The following FARS2 variants were observed in gnomAD, a reference collection of about 807,000 sequenced individuals.
The protein encoded by FARS2 is phenylalanyl-tRNA synthetase 2, mitochondrial, also known as phenylalanine--tRNA ligase, mitochondrial.
In FARS2, 40 loss-of-function variants were observed where a neutral mutation model predicts 46.4. That is an observed-to-expected ratio of 0.86 (90% confidence interval 0.67 to 1.12). FARS2 has a LOEUF of 1.12. Ranked by LOEUF, FARS2 falls within the 50% of genes most tolerant of loss-of-function variation. The pLI is 0.00. For missense variants in FARS2, 513 were observed against 567.9 expected (o/e 0.90, Z 0.98); for synonymous variants, 234 against 214.9 (o/e 1.09, Z -0.78).
intron 5 of FARS2, among the ~76,000 whole-genome samples, chr6:5,592,639 T>C (rs115130399): frequency 0.027 from 4,183 of 152,248 alleles, 76 homozygotes; most frequent in Non-Finnish European, 0.043. Flanking sequence ...GCTTTAGAGC[T>C]GAGAGGACAT....
At chr6:5,388,871 A>T (rs1021750750) in intron 2 of FARS2, among the ~76,000 whole-genome samples, 1 of 152,080 alleles carries the variant, frequency 6.6e-6, no homozygotes, top group Non-Finnish European at 1.5e-5. Context: ...GCTCTCTGGT[A>T]TCTGCTTCTC....
chr6:5,390,452 C>T (rs955066874), intron 2 of FARS2, among the ~76,000 whole-genome samples: 1 of 152,192 alleles, frequency 6.6e-6, no homozygotes, highest in African/African-American at 2.4e-5. Context: ...AGGGACTGCT[C>T]AAGTTCTACT....
Position 5,563,093 on chromosome 6 carries a change from G to A in FARS2, c.1065+17753G>A, listed in dbSNP as rs961565079. On this transcript the variant is annotated intron_variant, in intron 5 of 6. Coordinates refer to ENST00000274680, the MANE Select transcript of FARS2 (RefSeq NM_006567.5). ...CCCCGTACAGAGACAGAGGGAGGGG[G>A]GCTCCAAAGCCAAAAGAGGAGGTCC... Among the ~76,000 whole-genome samples, 9 of 152,124 alleles carry A rather than the reference G, an allele frequency of 5.9e-5. No homozygotes were observed. In the South Asian group the frequency reaches 1.7e-3, roughly 28 times the overall value.
intron 4 of FARS2, among the ~76,000 whole-genome samples, chr6:5,490,414 G>T (rs1219299996): frequency 6.6e-6 from 1 of 152,108 alleles, no homozygotes; most frequent in Non-Finnish European, 1.5e-5. Flanking sequence ...TCAATACTTA[G>T]AACTGGGAGT....
intron 1 of FARS2, among the ~76,000 whole-genome samples, chr6:5,263,301 GT>G (rs1032777238): frequency 2.0e-5 from 3 of 152,162 alleles, no homozygotes; most frequent in African/African-American, 7.2e-5. Flanking sequence ...AGTTTAAATA[GT>G]TTGGGTAGCT....
chr6:5,558,889 G>A (rs1771824686), intron 5 of FARS2, among the ~76,000 whole-genome samples: 1 of 152,002 alleles, frequency 6.6e-6, no homozygotes, highest in African/African-American at 2.4e-5. Flanking sequence ...AATTATAAAT[G>A]GACGACCCTT....
chr6:5,595,856 G>A (rs1435864448), intron 5 of FARS2, among the ~76,000 whole-genome samples: 1 of 152,198 alleles, frequency 6.6e-6, no homozygotes, highest in Non-Finnish European at 1.5e-5. Context: ...GGGCGATTGA[G>A]GAAACGCCCA....
At chr6:5,714,747 A>G (rs1294852206) in intron 6 of FARS2, among the ~76,000 whole-genome samples, 1 of 152,068 alleles carries the variant, frequency 6.6e-6, no homozygotes, top group Non-Finnish European at 1.5e-5. Flanking sequence ...ACATCCGGCC[A>G]GGCGCGGTGG....
chr6:5,651,631 C>T (rs1406836070), intron 6 of FARS2, among the ~76,000 whole-genome samples: 1 of 152,182 alleles, frequency 6.6e-6, no homozygotes, highest in African/African-American at 2.4e-5. Flanking sequence ...AGGGACACTT[C>T]AAGAGGATTA....
intron 6 of FARS2, among the ~76,000 whole-genome samples, chr6:5,696,238 T>C (rs1472536920): frequency 2.0e-5 from 3 of 152,228 alleles, no homozygotes; most frequent in African/African-American, 7.2e-5. Context: ...GCAATATTCA[T>C]TGCAATGCCA....
At chr6:5,623,303 G>A (rs1775866671) in intron 6 of FARS2, among the ~76,000 whole-genome samples, 1 of 152,196 alleles carries the variant, frequency 6.6e-6, no homozygotes, top group Non-Finnish European at 1.5e-5. Flanking sequence ...GCAGCCAAAT[G>A]CATATAACTG....
At chr6:5,479,246 A>G (rs750206623) in intron 4 of FARS2, among the ~76,000 whole-genome samples, 1 of 152,182 alleles carries the variant, frequency 6.6e-6, no homozygotes, top group African/African-American at 2.4e-5. Context: ...AACATTTAAC[A>G]TGCTGCCTAC....
chr6:5,647,920 C>T (rs748319745), intron 6 of FARS2, among the ~76,000 whole-genome samples: 7 of 152,138 alleles, frequency 4.6e-5, no homozygotes, highest in Admixed American at 3.9e-4. Context: ...AATCACAGCT[C>T]GGTATTCACT....
At chr6:5,435,245 A>C (rs1246085034) in intron 4 of FARS2, among the ~76,000 whole-genome samples, 1 of 152,244 alleles carries the variant, frequency 6.6e-6, no homozygotes, top group Non-Finnish European at 1.5e-5. Flanking sequence ...AACTGAAACA[A>C]AATGAAACAA....
At chr6:5,467,154 TTCTA>T in intron 4 of FARS2, 1 of 853,542 alleles carries the variant, frequency 1.2e-6, no homozygotes, top group Non-Finnish European at 1.4e-6. Context: ...GATTAAATGT[TTCTA>T]TCTGTGGTTT....
chr6:5,365,510 A>AT (rs144909598), intron 1 of FARS2, among the ~76,000 whole-genome samples: 28 of 127,968 alleles, frequency 2.2e-4, no homozygotes, highest in African/African-American at 2.8e-4. Context: ...ATTAAATAAA[A>AT]TTTTTTTTTT....
chr6:5,466,947 GCCTGTGCAGGAATGATAAGAGGC>G (rs1765547917), intron 4 of FARS2: 1 of 985,282 alleles, frequency 1.0e-6, no homozygotes, highest in African/African-American at 1.7e-5. Context: ...TACTAGCACA[GCCTGTGCAGGAATGATAAGAGGC>G]ACATATTCTT....
chr6:5,673,698 A>G (rs1170796480), intron 6 of FARS2, among the ~76,000 whole-genome samples: 1 of 152,172 alleles, frequency 6.6e-6, no homozygotes, highest in Non-Finnish European at 1.5e-5. Context: ...TGAGAAACTC[A>G]AATGTATGGA....
chr6:5,638,269 T>G (rs1269808392), intron 6 of FARS2, among the ~76,000 whole-genome samples: 15 of 152,164 alleles, frequency 9.9e-5, no homozygotes, highest in Admixed American at 9.8e-4. Context: ...TAGGGGAGAC[T>G]TAAAACCATC....
Sources: allele counts gnomAD v4.1 joint callset (sites outside exome capture counted in the v4.1 genomes callset), GRCh38; gene constraint gnomAD v4.1.1; transcripts MANE v1.5; gene names NCBI Gene and HGNC (gene_info 2026-07-23, HGNC 2026-07-21).